TMEM230: variants seen among roughly 807,000 people sequenced by gnomAD.
The protein encoded by TMEM230 is transmembrane protein 230, also known as UPF0414 transmembrane protein C20orf30.
Under a neutral mutation model 15.8 loss-of-function variants are expected in TMEM230, and 10 were observed. The observed-to-expected ratio is 0.63, with a 90% CI of 0.39 to 1.07. The LOEUF (loss-of-function observed/expected upper bound fraction) is 1.07, where lower values mean the gene tolerates loss of function less well. TMEM230 is among the 50% of genes least tolerant of loss of function. The pLI, the probability that TMEM230 is intolerant of heterozygous loss-of-function variation, is 0.01. For missense variants in TMEM230, 165 were observed against 193.3 expected (o/e 0.85, Z 0.87); for synonymous variants, 67 against 76.9 (o/e 0.87, Z 0.68).
intron 3 of TMEM230, chr20:5,069,456 C>G: frequency 8.5e-7 from 1 of 1,182,962 alleles, no homozygotes; most frequent in Non-Finnish European, 1.2e-6. Flanking sequence ...TGGTGCTCCA[C>G]AACACTTCCT....
chr20:5,084,561 G>A (rs2089279868), intron 3 of TMEM230, among the ~76,000 whole-genome samples: 1 of 151,680 alleles, frequency 6.6e-6, no homozygotes, highest in South Asian at 2.1e-4. Flanking sequence ...TTGAGATGGA[G>A]TCTTGCTCTG....
chr20:5,070,001 C>T (rs541687101), intron 3 of TMEM230, among the ~76,000 whole-genome samples: 2 of 152,140 alleles, frequency 1.3e-5, no homozygotes, highest in Non-Finnish European at 2.9e-5. Flanking sequence ...TGAGCCACTG[C>T]GCCCAGCAAA....
chr20:5,098,045 T>C (rs560461326), downstream of TMEM230, among the ~76,000 whole-genome samples: 4 of 147,420 alleles, frequency 2.7e-5, no homozygotes, highest in South Asian at 8.9e-4. Context: ...TGGTGCGATC[T>C]TGGCTCACCG....
the TMEM230 span, among the ~76,000 whole-genome samples, chr20:5,062,005 G>A: frequency 6.6e-6 from 1 of 152,050 alleles, no homozygotes; most frequent in Non-Finnish European, 1.5e-5. Flanking sequence ...CAGATCACCT[G>A]AGGTCAGGAG....
chr20:5,060,804 G>C, the TMEM230 span, among the ~76,000 whole-genome samples: 24 of 151,980 alleles, frequency 1.6e-4, no homozygotes, highest in Non-Finnish European at 2.5e-4. Flanking sequence ...TTTCAACTTG[G>C]GGCTATTACA....
intron 4 of TMEM230, among the ~76,000 whole-genome samples, chr20:5,102,192 G>C (rs973718471): frequency 3.9e-5 from 6 of 152,142 alleles, no homozygotes; most frequent in Non-Finnish European, 8.8e-5. Flanking sequence ...TGCCAACAGA[G>C]AACAAAATGT....
intron 3 of TMEM230, among the ~76,000 whole-genome samples, chr20:5,078,609 G>A (rs566933140): frequency 6.6e-6 from 1 of 152,236 alleles, no homozygotes; most frequent in South Asian, 2.1e-4. Context: ...TGTGCATCAC[G>A]ATCACTCTAG....
At position 5,106,115 on chromosome 20, in the gene TMEM230, ACACACG is replaced by A. The variant is rs1307582343; in HGVS notation, c.411+67_411+72del. 3.0e-4 allele frequency: 455 copies of A among 1,505,822 alleles called. 1 individual carries two copies. Among genetic ancestry groups the A allele is most frequent in the South Asian group, 2.2e-3 (173 of 79,188 alleles). The allele number at this position is 1,505,822 out of a possible 1,614,324, so 93.3% of individuals were successfully genotyped here. On this transcript the variant is annotated intron_variant, in intron 4 of 4. Transcript: ENST00000342308. The stretch of plus-strand genomic sequence containing the variant: ...CACACACACACACACACACACACAC[ACACACG>A]CACACTAGAGCCTTGGCTAACATTT...
At position 5,112,966 on chromosome 20, in the gene TMEM230, C is replaced by G; in HGVS notation, c.63G>C (p.Ala21=). 1 of 1,550,368 alleles carries G rather than the reference C, an allele frequency of 6.5e-7. No individual in the cohort carries two copies. The highest frequency in any genetic ancestry group is 8.7e-7 in the Non-Finnish European group (1 of 1,147,058). Residue 21 remains alanine (A), a synonymous_variant, in exon 1 of 5, where the codon GCG becomes GCC. Transcript: ENST00000342308. ...CTGCCGCACACACGCCTTACCGGAG[C>G]GCCGCGCCAGGCCGCCCGCACACCC...
At chr20:5,092,732 AGAG>A (rs1204645252) in intron 3 of TMEM230, among the ~76,000 whole-genome samples, 1 of 150,190 alleles carries the variant, frequency 6.7e-6, no homozygotes, top group South Asian at 2.2e-4. Context: ...AAAAAAAAAA[AGAG>A]AGAGAGAGAG....
chr20:5,074,902 A>G (rs1227788021), intron 3 of TMEM230, among the ~76,000 whole-genome samples: 1 of 152,184 alleles, frequency 6.6e-6, no homozygotes, highest in Non-Finnish European at 1.5e-5. Context: ...GCCTCAAGCG[A>G]TTCTTCCGCC....
intron 3 of TMEM230, among the ~76,000 whole-genome samples, chr20:5,073,607 G>C (rs1285136881): frequency 1.3e-5 from 2 of 152,224 alleles, no homozygotes; most frequent in Non-Finnish European, 2.9e-5. Context: ...GCCAGAGATA[G>C]GAAAGCCCAA....
At chr20:5,067,712 G>T (rs527333101), downstream of TMEM230, among the ~76,000 whole-genome samples, 77 of 148,412 alleles carry the variant, frequency 5.2e-4, no homozygotes, top group African/African-American at 1.8e-3. Flanking sequence ...AAAGTTCTGG[G>T]ATTAAGGCAT....
At position 5,102,843 on chromosome 20, in the gene TMEM230, C is replaced by A. The variant is rs530128234; in HGVS notation, c.412-1912G>T. 8.5e-5 allele frequency among the ~76,000 whole-genome samples: 13 copies of A among 152,234 alleles called. No homozygotes were observed. In the South Asian group the frequency reaches 2.7e-3, roughly 32 times the overall value. The stretch of plus-strand genomic sequence containing the variant: ...CGAAAAAACAAAAATAGGCCAATAT[C>A]CCTGATGAACATTGATGCAAAAATC... On this transcript the variant is annotated intron_variant, in intron 4 of 4. Transcript: ENST00000342308.
chr20:5,079,826 C>T (rs1215871649), intron 3 of TMEM230, among the ~76,000 whole-genome samples: 1 of 152,122 alleles, frequency 6.6e-6, no homozygotes, highest in African/African-American at 2.4e-5. Flanking sequence ...GCGATCCTGG[C>T]TCACTGCAAC....
downstream of TMEM230, among the ~76,000 whole-genome samples, chr20:5,095,063 G>A (rs1180829244): frequency 6.6e-6 from 1 of 152,220 alleles, no homozygotes; most frequent in Non-Finnish European, 1.5e-5. Context: ...GGCAAAAGCA[G>A]CGCGGTGGAT....
In TMEM230 at chr20:5,099,964, T is replaced by A. The variant is rs1381426105; in HGVS notation, c.*827A>T. The A allele has an allele frequency of 1.0e-6, 1 of 985,306 alleles. No homozygotes were observed. Among genetic ancestry groups the A allele is most frequent in the Non-Finnish European group, 1.2e-6 (1 of 829,932 alleles). The allele number at this position is 985,306 out of a possible 1,614,324, so 61.0% of individuals were successfully genotyped here. A position where few individuals can be genotyped will look rare whatever the true frequency, so the allele number is the denominator to read the frequency against. On this transcript the variant is annotated 3_prime_UTR_variant, in exon 5 of 5. Transcript: ENST00000342308. The stretch of plus-strand genomic sequence containing the variant: ...ATAGAATCAAACTAAGGTGATCTAG[T>A]CCTCTAGGCATCCAGGCTGATCCTT...
chr20:5,105,585 TAA>T (rs1387962381), intron 4 of TMEM230, among the ~76,000 whole-genome samples: 1 of 151,952 alleles, frequency 6.6e-6, no homozygotes, highest in Non-Finnish European at 1.5e-5. Flanking sequence ...TCAAAATAAA[TAA>T]ATAAATAAAA....
chr20:5,100,673 T>C lies in TMEM230; in HGVS notation c.*118A>G. 6.7e-7 allele frequency: 1 copy of C among 1,490,616 alleles called. No homozygotes were observed. Among genetic ancestry groups the C allele is most frequent in the East Asian group, 2.3e-5 (1 of 42,888 alleles). The allele number at this position is 1,490,616 out of a possible 1,614,324, so 92.3% of individuals were successfully genotyped here. ...GGGAAGGACCCAAAAAATCTGGCCATTATTTTCTTAAACATCTGCAAGCTG... is the reference window on the plus strand; with the variant it reads ...GGGAAGGACCCAAAAAATCTGGCCACTATTTTCTTAAACATCTGCAAGCTG... On this transcript the variant is annotated 3_prime_UTR_variant, in exon 5 of 5. Coordinates refer to ENST00000342308, the MANE Select transcript of TMEM230 (RefSeq NM_001009923.2).
Sources: gnomAD v4.1 joint callset for allele counts (sites outside exome capture counted in the v4.1 genomes callset) on GRCh38, gnomAD v4.1.1 for gene constraint, MANE v1.5 for transcripts, NCBI Gene and HGNC (gene_info 2026-07-23, HGNC 2026-07-21) for gene names.